MYH16: variants seen among roughly 807,000 people sequenced by gnomAD.
MYH16 encodes putative uncharacterized protein MYH16.
At chr7:99,294,552 A>ATAT (rs1424252761) in intron 33 of MYH16, among the ~76,000 whole-genome samples, 108 of 127,548 alleles carry the variant, frequency 8.5e-4, no homozygotes, top group African/African-American at 1.6e-3. Context: ...AAAGAAAAAA[A>ATAT]AAATATATAT....
chr7:99,300,251 C>T (rs997132867), intron 37 of MYH16, among the ~76,000 whole-genome samples: 2 of 152,154 alleles, frequency 1.3e-5, no homozygotes, highest in Admixed American at 1.3e-4. Context: ...TGAGCCACCA[C>T]GCCCAGCCCT....
intron 29 of MYH16, among the ~76,000 whole-genome samples, 199 bp from the exon 11 acceptor site, chr7:99,289,088 G>A (rs533985659): frequency 2.6e-5 from 4 of 151,212 alleles, no homozygotes; most frequent in African/African-American, 9.8e-5. Flanking sequence ...CACTCCAGCC[G>A]GGGTGATGGA....
intron 33 of MYH16, 63 bp downstream of exon 14, chr7:99,294,213 G>A: frequency 2.4e-6 from 1 of 415,464 alleles, no homozygotes. Context: ...AGCAGGGCTA[G>A]GGCAAGGCTG....
chr7:99,301,212 A>G (rs976306009), intron 37 of MYH16, among the ~76,000 whole-genome samples: 1 of 151,154 alleles, frequency 6.6e-6, no homozygotes, highest in Non-Finnish European at 1.5e-5. Context: ...AAAAAAAAAA[A>G]AAAAAAGAGA....
chr7:99,288,683 G>C (rs868743068), intron 29 of MYH16, among the ~76,000 whole-genome samples: 1 of 152,010 alleles, frequency 6.6e-6, no homozygotes, highest in East Asian at 1.9e-4. Flanking sequence ...GCAAGACTCT[G>C]TCTCAAAAAT....
At chr7:99,252,026 T>C (rs1459342998) in intron 6 of MYH16, among the ~76,000 whole-genome samples, 1 of 152,120 alleles carries the variant, frequency 6.6e-6, no homozygotes, top group Non-Finnish European at 1.5e-5. Flanking sequence ...TTAGTATTAA[T>C]ATTTAAGTCA....
At chr7:99,264,063 C>T (rs1043433124) in intron 14 of MYH16, among the ~76,000 whole-genome samples, 2 of 152,246 alleles carry the variant, frequency 1.3e-5, no homozygotes, top group African/African-American at 4.8e-5. Context: ...GAGAATTACG[C>T]TGTAGCCAGC....
intron 20 of MYH16, among the ~76,000 whole-genome samples, chr7:99,274,211 C>A (rs1424153902): frequency 3.3e-5 from 5 of 152,258 alleles, no homozygotes; most frequent in African/African-American, 1.2e-4. Context: ...TCCCAAGCAG[C>A]CAGGCCACCC....
chr7:99,269,536 A>G (rs1468496913), intron 18 of MYH16, among the ~76,000 whole-genome samples: 1 of 152,072 alleles, frequency 6.6e-6, no homozygotes, highest in Non-Finnish European at 1.5e-5. Context: ...TCGGCCTCCC[A>G]AAGTGTTGGG....
chr7:99,241,225 C>T (rs1451591938), intron 1 of MYH16, among the ~76,000 whole-genome samples: 1 of 152,272 alleles, frequency 6.6e-6, no homozygotes, highest in South Asian at 2.1e-4. Context: ...CTGCTGAAAG[C>T]GAAGTGTCTG....
chr7:99,242,717 G>A (rs761926168), intron 1 of MYH16, among the ~76,000 whole-genome samples: 15 of 152,190 alleles, frequency 9.9e-5, no homozygotes, highest in Non-Finnish European at 7.4e-5. Context: ...AATTGATTGT[G>A]CATGGTCAGT....
chr7:99,258,862 T>TA (rs1791904174), intron 11 of MYH16, among the ~76,000 whole-genome samples: 1 of 151,828 alleles, frequency 6.6e-6, no homozygotes, highest in Non-Finnish European at 1.5e-5. Context: ...CAAACTGCTA[T>TA]AAAAAACTAC....
exon 22 of MYH16, chr7:99,279,577 A>C (rs938799165): frequency 3.1e-5 from 14 of 456,542 alleles, no homozygotes; most frequent in Non-Finnish European, 5.3e-5. Flanking sequence ...ATGGATCTAG[A>C]GAGCCAGATC....
chr7:99,281,636 G>T (rs1792199917), intron 23 of MYH16, among the ~76,000 whole-genome samples: 1 of 152,206 alleles, frequency 6.6e-6, no homozygotes, highest in African/African-American at 2.4e-5. Context: ...CACTGGAGTG[G>T]TAGGGGTGGA....
At chr7:99,284,150 G>C (rs2150822811) in intron 25 of MYH16, 132 bp downstream of exon 7, 1 of 359,778 alleles carries the variant, frequency 2.8e-6, no homozygotes. Context: ...CACCTGGCAG[G>C]CATGGAGGAT....
chr7:99,266,006 G>A (rs937373383), intron 17 of MYH16, among the ~76,000 whole-genome samples: 1 of 152,222 alleles, frequency 6.6e-6, no homozygotes, highest in South Asian at 2.1e-4. Context: ...TGACTGAGGA[G>A]AGCTGGTGTA....
Position 99,277,573 on chromosome 7 carries a change from A to C in MYH16, n.2520A>C, listed in dbSNP as rs1313699270. 4 of 456,818 alleles carry C rather than the reference A, an allele frequency of 8.8e-6. No homozygotes were observed. In the Admixed American group the frequency reaches 9.4e-5, roughly 11 times the overall value. The allele number at this position is 456,818 out of a possible 1,614,324, so 28.3% of individuals were successfully genotyped here. On this transcript the variant is annotated non_coding_transcript_exon_variant, in exon 21 of 42. Coordinates refer to ENST00000439784, the Ensembl canonical transcript of MYH16. ...CTCCTGAATGTGGCTCGGCAAGAAG[A>C]GGAGATGAAGGCCAAGGAGGAGGAG...
At chr7:99,253,353 A>G (rs1791832808) in intron 7 of MYH16, 1 of 151,884 alleles carries the variant, frequency 6.6e-6, no homozygotes, top group Admixed American at 6.6e-5. Flanking sequence ...TCTCAAAAAA[A>G]TAAATAAATA....
intron 1 of MYH16, among the ~76,000 whole-genome samples, chr7:99,243,107 A>G (rs371270825): frequency 6.6e-6 from 1 of 152,232 alleles, no homozygotes; most frequent in Non-Finnish European, 1.5e-5. Context: ...CATTGGCCTC[A>G]GAAGTGCCTC....
Sources: gnomAD v4.1 joint callset for allele counts (sites outside exome capture counted in the v4.1 genomes callset) on GRCh38, gnomAD v4.1.1 for gene constraint, MANE v1.5 for transcripts, NCBI Gene and HGNC (gene_info 2026-07-23, HGNC 2026-07-21) for gene names.